Variants in ZNF652 observed in about 807,000 individuals in gnomAD.
ZNF652 encodes zinc finger protein 652.
In ZNF652, 16 loss-of-function variants were observed where a neutral mutation model predicts 45.2. That is an observed-to-expected ratio of 0.35 (90% confidence interval 0.24 to 0.54). ZNF652 has a LOEUF of 0.54. Ranked by LOEUF, ZNF652 falls within the 20% of genes least tolerant of loss-of-function variation. The pLI, the probability that ZNF652 is intolerant of heterozygous loss-of-function variation, is 0.91. For missense variants in ZNF652, 614 were observed against 765.6 expected (o/e 0.80, Z 2.34); for synonymous variants, 250 against 260.6 (o/e 0.96, Z 0.39).
chr17:49,320,770 AT>A (rs894334973), intron 1 of ZNF652, among the ~76,000 whole-genome samples: 1 of 152,240 alleles, frequency 6.6e-6, no homozygotes, highest in Non-Finnish European at 1.5e-5. Context: ...TTAAACAAAA[AT>A]CAGAAAGTCA....
chr17:49,306,887 G>A (rs921034489), intron 5 of ZNF652, among the ~76,000 whole-genome samples: 3 of 151,926 alleles, frequency 2.0e-5, no homozygotes, highest in African/African-American at 4.8e-5. Flanking sequence ...TGAGTAGCTG[G>A]GATTACAGGC....
intron 2 of ZNF652, among the ~76,000 whole-genome samples, chr17:49,314,320 C>A (rs920145709): frequency 7.2e-5 from 11 of 151,870 alleles, no homozygotes; most frequent in Admixed American, 3.3e-4. Context: ...TGCCACCATG[C>A]CTGGCTAATT....
intron 1 of ZNF652, among the ~76,000 whole-genome samples, chr17:49,339,219 T>TTTA (rs2070116319): frequency 6.8e-6 from 1 of 147,974 alleles, no homozygotes; most frequent in Admixed American, 6.7e-5. Flanking sequence ...TTTTTTTTTT[T>TTTA]GAGACGTAGT....
rs201462279 is a variant in ZNF652 at position 49,317,580 on chromosome 17, T to C, written c.146A>G (p.Lys49Arg). The C allele has an allele frequency of 2.8e-5, 46 of 1,614,110 alleles. No homozygotes were observed. In the East Asian group the frequency reaches 9.6e-4, roughly 34 times the overall value. The change falls in exon 2 of 6, where the codon AAA (lysine) becomes AGA (arginine). Residue 49 changes from lysine to arginine, a missense_variant. Physicochemically the swap from Lys to Arg is conservative, Grantham distance 26 (BLOSUM62 2). Around this residue, in one of 5 missense-constraint regions of ZNF652, gnomAD observed 133 missense variants for 132.2 expected, o/e 1.01. Coordinates refer to ENST00000430262, the MANE Select transcript of ZNF652 (RefSeq NM_001145365.3). ...ACTTCCTGATTCCCTTTTGTACACT[T>C]TGGTGGACAGGTCAAGTTCTTGGTT... ...GANQELDLST[K>R]VYKRESGSPY... is the part of the protein sequence containing the mutation.
chr17:49,303,670 A>G (rs1334466429), intron 5 of ZNF652, among the ~76,000 whole-genome samples: 2 of 152,154 alleles, frequency 1.3e-5, no homozygotes, highest in African/African-American at 2.4e-5. Context: ...CCTAGCAGCC[A>G]TATGGAAACA....
rs2069502270 is a variant in ZNF652 at position 49,298,343 on chromosome 17, C to G, written c.*70G>C. ...AGAGTCTGAGAACTAAGGAAATGCT[C>G]ACCGACTCCCTCTGTGCACGCTCAC... On this transcript the variant is annotated 3_prime_UTR_variant, in exon 6 of 6. Coordinates refer to ENST00000430262, the MANE Select transcript of ZNF652 (RefSeq NM_001145365.3). The G allele has an allele frequency of 1.9e-6, 3 of 1,578,752 alleles. No individual in the cohort carries two copies. The East Asian group carries it at 6.7e-5, about 35-fold the overall frequency.
chr17:49,310,638 A>T (rs1169855967), intron 5 of ZNF652, among the ~76,000 whole-genome samples: 1 of 152,216 alleles, frequency 6.6e-6, no homozygotes, highest in Non-Finnish European at 1.5e-5. Context: ...TTGGTGGCTC[A>T]CACCTGTAAT....
At chr17:49,333,367 A>G (rs930840710) in intron 1 of ZNF652, among the ~76,000 whole-genome samples, 9 of 150,612 alleles carry the variant, frequency 6.0e-5, no homozygotes, top group African/African-American at 2.2e-4. Context: ...AAAATGAAAT[A>G]ATTTAAAAAA....
intron 1 of ZNF652, among the ~76,000 whole-genome samples, chr17:49,327,451 C>T (rs2069967299): frequency 6.6e-6 from 1 of 151,802 alleles, no homozygotes; most frequent in Non-Finnish European, 1.5e-5. Context: ...TGAGCCACTG[C>T]GCCTGGCCTA....
intron 1 of ZNF652, among the ~76,000 whole-genome samples, chr17:49,350,007 T>C (rs1416992474): frequency 2.6e-5 from 4 of 152,206 alleles, no homozygotes; most frequent in Non-Finnish European, 4.4e-5. Flanking sequence ...GGCTTCGGAA[T>C]AGAGTTTTAA....
intron 1 of ZNF652, among the ~76,000 whole-genome samples, chr17:49,341,055 C>T (rs1298902494): frequency 4.0e-5 from 6 of 151,700 alleles, no homozygotes; most frequent in Non-Finnish European, 7.4e-5. Flanking sequence ...ACTAAAAATA[C>T]AAAAAATTAG....
At chr17:49,337,818 G>C (rs949045934) in intron 1 of ZNF652, among the ~76,000 whole-genome samples, 2 of 152,050 alleles carry the variant, frequency 1.3e-5, no homozygotes, top group Admixed American at 1.3e-4. Context: ...TTCTATTCAT[G>C]CATTTACAAG....
At chr17:49,302,348 G>C (rs1598282781) in intron 5 of ZNF652, among the ~76,000 whole-genome samples, 1 of 147,254 alleles carries the variant, frequency 6.8e-6, no homozygotes, top group East Asian at 2.2e-4. Context: ...GAGTGCAGTG[G>C]TGCAATCTCG....
chr17:49,324,013 T>C (rs1042669399), intron 1 of ZNF652, among the ~76,000 whole-genome samples: 1 of 152,190 alleles, frequency 6.6e-6, no homozygotes. Context: ...AGTCAGCCTA[T>C]CTTTTGAAGC....
chr17:49,331,304 G>A (rs1488932752), intron 1 of ZNF652, among the ~76,000 whole-genome samples: 2 of 151,852 alleles, frequency 1.3e-5, no homozygotes, highest in Non-Finnish European at 1.5e-5. Context: ...TGTATTTTTA[G>A]TAGAGACGGG....
downstream of ZNF652, chr17:49,288,546 T>G (rs1567904919): frequency 6.6e-6 from 1 of 152,184 alleles, no homozygotes; most frequent in Non-Finnish European, 1.5e-5. Context: ...GAGGGCAAGC[T>G]TCACAGTATA....
At chr17:49,350,149 T>C (rs9909827) in intron 1 of ZNF652, among the ~76,000 whole-genome samples, 64,853 of 151,992 alleles carry the variant, frequency 0.43, 14,193 homozygotes, top group East Asian at 0.48. Context: ...ACTATGGTTA[T>C]GACTTTAACA....
intron 5 of ZNF652, among the ~76,000 whole-genome samples, 197 bp downstream of exon 5, chr17:49,311,112 ATTC>A (rs1309513614): frequency 2.0e-5 from 3 of 152,196 alleles, no homozygotes; most frequent in Non-Finnish European, 2.9e-5. Flanking sequence ...CTCACAAATA[ATTC>A]TTTTTTAAAC....
Position 49,345,787 on chromosome 17 carries a change from G to A in ZNF652, c.-259+16122C>T, listed in dbSNP as rs186403055. Among the ~76,000 whole-genome samples, 11 of 149,976 alleles carry A rather than the reference G, an allele frequency of 7.3e-5. No homozygotes were observed. The East Asian group carries it at 2.0e-3, about 27-fold the overall frequency. On this transcript the variant is annotated intron_variant, in intron 1 of 5. Coordinates refer to ENST00000430262, the MANE Select transcript of ZNF652 (RefSeq NM_001145365.3). ...ACCCAGAAGGCAGAGTTTGCAGTGA[G>A]CCGAGATAGTGCCACTGCAGTCCAG...
Sources: allele counts gnomAD v4.1 joint callset (sites outside exome capture counted in the v4.1 genomes callset), GRCh38; gene constraint gnomAD v4.1.1; regional missense constraint gnomAD v4.1.1; transcripts MANE v1.5; gene names NCBI Gene and HGNC (gene_info 2026-07-23, HGNC 2026-07-21).